TMEM144: variants seen among roughly 807,000 people sequenced by gnomAD.
The protein encoded by TMEM144 is transmembrane protein 144.
TMEM144 carries 39 observed loss-of-function variants against 43.6 expected under a neutral mutation model. The ratio of observed to expected loss-of-function variants is 0.90; its 90% CI spans 0.69 to 1.17. TMEM144 has a LOEUF of 1.17. TMEM144 is among the 50% of genes most tolerant of loss of function. The pLI, the probability that TMEM144 is intolerant of heterozygous loss-of-function variation, is 0.00. For missense variants in TMEM144, 417 were observed against 411.9 expected, an observed-to-expected ratio of 1.01 and a Z score of -0.11; for synonymous variants, 154 against 133.6, an observed-to-expected ratio of 1.15 and a Z score of -1.06.
rs148142262 is a variant in TMEM144, at chr4:158,227,612, C to G, written c.414-5289C>G. On this transcript the variant is annotated intron_variant, in intron 6 of 12. Coordinates refer to ENST00000296529, the MANE Select transcript of TMEM144 (RefSeq NM_018342.5). Reference sequence around the variant, plus strand: ...TTTCCTTTTGCCTCTGTCTCTTCCTCTCTCTCTTCTCGCTTATTCTGCAGT... The same window carrying G: ...TTTCCTTTTGCCTCTGTCTCTTCCTGTCTCTCTTCTCGCTTATTCTGCAGT... Among the ~76,000 whole-genome samples, 1,346 of 152,196 alleles carry G rather than the reference C, an allele frequency of 8.8e-3. 18 individuals are homozygous for G. The highest frequency in any genetic ancestry group is 0.031 in the African/African-American group (1,289 of 41,490).
intron 12 of TMEM144, among the ~76,000 whole-genome samples, chr4:158,244,588 T>G (rs1735793912): frequency 6.6e-6 from 1 of 152,144 alleles, no homozygotes; most frequent in Non-Finnish European, 1.5e-5. Flanking sequence ...GAGAATTGCT[T>G]GAACCCGGGA....
chr4:158,252,928 ACCT>A (rs1209975642), intron 12 of TMEM144, among the ~76,000 whole-genome samples: 1 of 152,106 alleles, frequency 6.6e-6, no homozygotes, highest in Non-Finnish European at 1.5e-5. Flanking sequence ...AGTCACACTA[ACCT>A]CCTTTCAGTC....
At chr4:158,229,818 T>C (rs1434412291) in intron 6 of TMEM144, among the ~76,000 whole-genome samples, 1 of 152,184 alleles carries the variant, frequency 6.6e-6, no homozygotes, top group Non-Finnish European at 1.5e-5. Context: ...GAACACTTCT[T>C]GGGGATCAAG....
chr4:158,217,547 C>T, intron 5 of TMEM144, 127 bp downstream of exon 5: 1 of 637,022 alleles, frequency 1.6e-6, no homozygotes, highest in Admixed American at 2.8e-5. Flanking sequence ...AAAACATACA[C>T]ATCATATATG....
rs1470716039 is a variant in TMEM144 at position 158,212,716 on chromosome 4, G to A, written c.49G>A (p.Val17Ile). Residue 17 changes from valine (V) to isoleucine (I), a missense_variant, in exon 3 of 13, where the codon GTA becomes ATA. Val to Ile is a conservative substitution (Grantham distance 29). Transcript: ENST00000296529. ...AACCTTTGGTTACATCTCCTGTTTT[G>A]TAGCTATCCTTTTGTTTGGCTCAAA... ...DLTFGYISCF[V>I]AILLFGSNFV... The A allele has an allele frequency of 1.9e-6, 3 of 1,613,678 alleles. No individual in the cohort carries two copies. The highest frequency in any genetic ancestry group is 2.2e-5 in the East Asian group (1 of 44,826).
At chr4:158,237,485 C>A in intron 8 of TMEM144, 40 bp from the exon 9 acceptor site, 1 of 1,501,680 alleles carries the variant, frequency 6.7e-7, no homozygotes, top group Non-Finnish European at 9.2e-7. Flanking sequence ...AGAAATACTG[C>A]TTTGAGCCAA....
chr4:158,229,475 G>C (rs1274392059), intron 6 of TMEM144, among the ~76,000 whole-genome samples: 2 of 152,206 alleles, frequency 1.3e-5, no homozygotes, highest in East Asian at 3.9e-4. Flanking sequence ...CACCCAGTTG[G>C]GTGGCATGGG....
chr4:158,213,749 TGTTATTTC>T (rs1402417344), intron 3 of TMEM144: 7 of 152,202 alleles, frequency 4.6e-5, no homozygotes, highest in Admixed American at 2.0e-4. Context: ...ACAGCAGTTG[TGTTATTTC>T]CCCAATTCTT....
intron 11 of TMEM144, among the ~76,000 whole-genome samples, chr4:158,242,667 T>TA (rs1048588498): frequency 6.6e-5 from 10 of 150,484 alleles, no homozygotes; most frequent in East Asian, 2.0e-4. Context: ...ATTAAAAAGC[T>TA]AAAAAAAAAG....
chr4:158,212,803 G>A (rs199885433), intron 3 of TMEM144, 27 bp downstream of exon 3: 151 of 1,530,248 alleles, frequency 9.9e-5, no homozygotes, highest in African/African-American at 6.3e-4. Flanking sequence ...GATTGTTAAC[G>A]TTATATTATT....
intron 5 of TMEM144, 104 bp downstream of exon 5, chr4:158,217,524 GT>G: frequency 1.2e-6 from 1 of 804,292 alleles, no homozygotes; most frequent in Non-Finnish European, 2.0e-6. Context: ...TTCTCACAGA[GT>G]TTATAGCTGG....
At chr4:158,212,085 T>G (rs935947769) in intron 2 of TMEM144, 1 of 152,240 alleles carries the variant, frequency 6.6e-6, no homozygotes, top group Non-Finnish European at 1.5e-5. Context: ...AGGGCCAGTG[T>G]GCAAAATATG....
At chr4:158,240,053 T>C (rs562458793) in intron 9 of TMEM144, among the ~76,000 whole-genome samples, 2 of 151,972 alleles carry the variant, frequency 1.3e-5, no homozygotes, top group Non-Finnish European at 2.9e-5. Flanking sequence ...ACCTGGCTAA[T>C]TTTTTGTATT....
intron 12 of TMEM144, among the ~76,000 whole-genome samples, chr4:158,245,582 A>C (rs776814197): frequency 6.6e-6 from 1 of 152,184 alleles, no homozygotes; most frequent in Non-Finnish European, 1.5e-5. Flanking sequence ...CCAAGAACAC[A>C]ATAAATGCTC....
Position 158,240,386 on chromosome 4 carries a change from GTCCTAAA to G in TMEM144, c.771_777del (p.Pro258TyrfsTer18), listed in dbSNP as rs1275499613. 2 of 1,613,450 alleles carry G rather than the reference GTCCTAAA, an allele frequency of 1.2e-6. No homozygotes were observed. The highest frequency in any genetic ancestry group is 1.7e-6 in the Non-Finnish European group (2 of 1,179,828). ...GCCTACTGCATAGCCATGAAAAATA[GTCCTAAA>G]CTATATCCTGAAGCAGTCCTACCAG... On this transcript the variant is annotated frameshift_variant, in exon 10 of 13. Coordinates refer to ENST00000296529, the MANE Select transcript of TMEM144 (RefSeq NM_018342.5). LOFTEE classifies it high-confidence loss of function.
At position 158,215,179 on chromosome 4, in the gene TMEM144, G is replaced by T; in HGVS notation, c.110-12G>T. On this transcript the variant is annotated splice_polypyrimidine_tract_variant and intron_variant, in intron 3 of 12. Transcript: ENST00000296529. ...AATTTGAACCACTAACACTGAGTTT[G>T]TTTATTTCTAGGAATGTTTCTCCAG... is the stretch of plus-strand genomic sequence containing the variant. 1 of 1,613,412 alleles carries T rather than the reference G, an allele frequency of 6.2e-7. No individual in the cohort carries two copies. The highest frequency in any genetic ancestry group is 1.1e-5 in the South Asian group (1 of 91,046).
chr4:158,218,892 C>T (rs912011545), intron 5 of TMEM144, among the ~76,000 whole-genome samples: 9 of 151,998 alleles, frequency 5.9e-5, no homozygotes, highest in Admixed American at 5.9e-4. Context: ...TTTGGGAGAT[C>T]GAGGTGGGTG....
chr4:158,218,708 G>A (rs1274101970), intron 5 of TMEM144, among the ~76,000 whole-genome samples: 1 of 152,096 alleles, frequency 6.6e-6, no homozygotes, highest in Non-Finnish European at 1.5e-5. Flanking sequence ...CATGAGTCAG[G>A]TGAACTACTT....
intron 12 of TMEM144, among the ~76,000 whole-genome samples, chr4:158,249,041 G>A (rs1736037987): frequency 6.6e-6 from 1 of 152,042 alleles, no homozygotes; most frequent in African/African-American, 2.4e-5. Flanking sequence ...CGAGTAGCTG[G>A]GATTACAGAA....
Sources: gnomAD v4.1 joint callset for allele counts (sites outside exome capture counted in the v4.1 genomes callset) on GRCh38, gnomAD v4.1.1 for gene constraint, MANE v1.5 for transcripts, NCBI Gene and HGNC (gene_info 2026-07-23, HGNC 2026-07-21) for gene names.